Variants in PDLIM7 observed in about 807,000 individuals in gnomAD.
The protein encoded by PDLIM7 is PDZ and LIM domain protein 7.
Under a neutral mutation model 53.9 loss-of-function variants are expected in PDLIM7, and 37 were observed. The ratio of observed to expected loss-of-function variants is 0.69; its 90% CI spans 0.53 to 0.90. The LOEUF is 0.90. PDLIM7 is among the 40% of genes least tolerant of loss of function. The pLI is 0.00. For missense variants in PDLIM7, 617 were observed against 638.5 expected, an observed-to-expected ratio of 0.97 and a Z score of 0.36; for synonymous variants, 300 against 261.3, an observed-to-expected ratio of 1.15 and a Z score of -1.43.
chr5:177,488,331 C>T lies in PDLIM7; in HGVS notation c.870-83G>A, dbSNP rs950841682. ...CCCCTTCAGGTTGACTGACCACCCA[C>T]CAGGAGGCCTTGGGAGGGACAGTTC... On this transcript the variant is annotated intron_variant, in intron 9 of 12. Coordinates refer to ENST00000355841, the MANE Select transcript of PDLIM7 (RefSeq NM_005451.5). 11 of 1,192,768 alleles carry T rather than the reference C, an allele frequency of 9.2e-6. No individual in the cohort carries two copies. The South Asian group carries it at 1.2e-4, about 13-fold the overall frequency. The allele number at this position is 1,192,768 out of a possible 1,614,324, so 73.9% of individuals were successfully genotyped here.
chr5:177,484,226 C>T lies in PDLIM7; in HGVS notation c.1051-36G>A, dbSNP rs1219360062. Reference sequence around the variant, plus strand: ...GTCCCAGTCACTCGGCAGGCTCAGGCCCCTCCTGCCCTGCCCTGGGTCACG... The same window carrying T: ...GTCCCAGTCACTCGGCAGGCTCAGGTCCCTCCTGCCCTGCCCTGGGTCACG... On this transcript the variant is annotated intron_variant, in intron 10 of 12. Transcript: ENST00000355841. 3 of 1,607,074 alleles carry T rather than the reference C, an allele frequency of 1.9e-6. No individual in the cohort carries two copies. In the African/African-American group the frequency reaches 4.0e-5, roughly 21 times the overall value.
intron 2 of PDLIM7, among the ~76,000 whole-genome samples, chr5:177,494,254 C>T (rs1221795977): frequency 6.6e-6 from 1 of 152,232 alleles, no homozygotes; most frequent in Non-Finnish European, 1.5e-5. Flanking sequence ...GGAAGTGTCT[C>T]TGACCCTAAG....
chr5:177,496,488 C>T lies in PDLIM7; in HGVS notation c.25G>A (p.Glu9Lys), dbSNP rs1759078355. The change falls in exon 2 of 13, where the codon GAG (glutamate) becomes AAG (lysine). Residue 9 changes from glutamate to lysine, a missense_variant. Physicochemically the swap from Glu to Lys is moderately conservative, Grantham distance 56. Transcript: ENST00000355841. MDSFKVVL[E>K]GPAPWGFRLQ... Reference sequence around the variant, plus strand: ...CGGAAGCCCCAAGGTGCTGGCCCCTCCAGCACTACTTTGAAGGAATCCATG... The same window carrying T: ...CGGAAGCCCCAAGGTGCTGGCCCCTTCAGCACTACTTTGAAGGAATCCATG... The T allele has an allele frequency of 6.2e-7, 1 of 1,600,794 alleles. No homozygotes were observed. The highest frequency in any genetic ancestry group is 1.7e-5 in the Admixed American group (1 of 58,344).
intron 10 of PDLIM7, among the ~76,000 whole-genome samples, chr5:177,485,421 C>T (rs991523545): frequency 2.0e-5 from 3 of 152,166 alleles, no homozygotes; most frequent in Non-Finnish European, 2.9e-5. Flanking sequence ...CATGGGGCCT[C>T]GAGGCGGTAT....
chr5:177,492,960 A>C (rs1758883517), intron 2 of PDLIM7: 1 of 445,560 alleles, frequency 2.2e-6, no homozygotes, highest in African/African-American at 2.0e-5. Context: ...ATGCTTATCT[A>C]TTCACCGCCA....
In PDLIM7 at chr5:177,489,561, T is replaced by C. The variant is rs377034000; in HGVS notation, c.701A>G (p.Tyr234Cys). The change falls in exon 9 of 13, where the codon TAT becomes TGT. Residue 234 changes from tyrosine to cysteine, a missense_variant. Tyr to Cys is a radical substitution (Grantham distance 194). Coordinates refer to ENST00000355841, the MANE Select transcript of PDLIM7 (RefSeq NM_005451.5). ...WAVDPAFAER[Y>C]APDKTSTVLT... Reference sequence around the variant, plus strand: ...CACTGTGCTCGTTTTGTCCGGGGCATAGCGCTCGGCAAACGCAGGGTCCAC... The same window carrying C: ...CACTGTGCTCGTTTTGTCCGGGGCACAGCGCTCGGCAAACGCAGGGTCCAC... 1.9e-6 allele frequency: 3 copies of C among 1,610,912 alleles called. No individual in the cohort carries two copies. The highest frequency in any genetic ancestry group is 1.1e-5 in the South Asian group (1 of 90,666).
chr5:177,491,650 G>A, intron 5 of PDLIM7, 157 bp downstream of exon 5: 1 of 617,070 alleles, frequency 1.6e-6, no homozygotes, highest in East Asian at 3.0e-5. Context: ...GCCTCGGGAG[G>A]GGCCCTGTGC....
intron 10 of PDLIM7, among the ~76,000 whole-genome samples, chr5:177,487,047 G>A (rs1249369430): frequency 2.9e-5 from 4 of 139,742 alleles, no homozygotes; most frequent in Non-Finnish European, 6.1e-5. Flanking sequence ...CGATTCTCCT[G>A]CCTCAGCCTC....
intron 10 of PDLIM7, 168 bp downstream of exon 10, chr5:177,487,900 A>G: frequency 1.9e-6 from 1 of 536,022 alleles, no homozygotes; most frequent in South Asian, 3.9e-5. Flanking sequence ...TCATTTGTTA[A>G]GAGCATCCTG....
intron 10 of PDLIM7, among the ~76,000 whole-genome samples, chr5:177,486,931 C>CTTTTTTTTTTTTTTTTT (rs60583245): frequency 2.1e-5 from 1 of 48,692 alleles, no homozygotes; most frequent in African/African-American, 6.9e-5. Context: ...GTGCCTGGCC[C>CTTTTTTTTTTTTTTTTT]TTTTTTTTTT....
chr5:177,492,066 C>T (rs915846943), intron 4 of PDLIM7, 141 bp from the exon 5 acceptor site: 18 of 389,836 alleles, frequency 4.6e-5, no homozygotes, highest in Admixed American at 2.8e-4. Context: ...TTGGAGGCTA[C>T]GGGGAGAGGA....
intron 10 of PDLIM7, among the ~76,000 whole-genome samples, chr5:177,485,764 C>T (rs531090689): frequency 1.2e-4 from 19 of 152,218 alleles, no homozygotes; most frequent in East Asian, 7.8e-4. Context: ...GTGGGAGGAT[C>T]GCTCGAGGCC....
rs1758859648 is a variant in PDLIM7 at position 177,492,612 on chromosome 5, A to G, written c.162T>C (p.Asp54=). The G allele has an allele frequency of 6.2e-7, 1 of 1,612,038 alleles. No homozygotes were observed. Among genetic ancestry groups the G allele is most frequent in the South Asian group, 1.1e-5 (1 of 91,092 alleles). ...GTGTGAGGCTACCCGCATTCTCGCCATCGATGCTCAGCACCCAGTCACCCA... is the reference window on the plus strand; with the variant it reads ...GTGTGAGGCTACCCGCATTCTCGCCGTCGATGCTCAGCACCCAGTCACCCA... The part of the protein sequence containing the change: ...VAVGDWVLSI[D]GENAGSLTHI... The change falls in exon 3 of 13, where the codon GAT becomes GAC. Residue 54 remains aspartate (D), a synonymous_variant. Transcript: ENST00000355841.
At chr5:177,484,291 G>A (rs1197580240) in intron 10 of PDLIM7, 101 bp from the exon 11 acceptor site, 22 of 1,439,106 alleles carry the variant, frequency 1.5e-5, no homozygotes, top group African/African-American at 7.0e-5. Flanking sequence ...GTTCCTTCTC[G>A]CGGTAAACAC....
rs1758749952 is a variant in PDLIM7, at chr5:177,491,062, T to C, written c.483A>G (p.Thr161=). The change falls in exon 6 of 13, where the codon ACA becomes ACG. Residue 161 remains threonine, a synonymous_variant. Transcript: ENST00000355841. The part of the protein sequence containing the change: ...NTEDWRPRPG[T]GQSRSFRILA... ...GGATGCGGAAGGAACGCGACTGGCC[T>C]GTCCCCGGCCGCGGCCGCCAGTCCT... The C allele has an allele frequency of 3.7e-6, 6 of 1,611,242 alleles. No individual in the cohort carries two copies. Among genetic ancestry groups the C allele is most frequent in the Non-Finnish European group, 5.1e-6 (6 of 1,179,064 alleles).
rs1758862501 is a variant in PDLIM7, at chr5:177,492,642, C to T, written c.132G>A (p.Val44=). ...TGCTCAGCACCCAGTCACCCACGGC[C>T]ACTCCGGCCTGCGCCGCTTTGCCCC... ...TPGGKAAQAG[V]AVGDWVLSID... The change falls in exon 3 of 13, where the codon GTG becomes GTA. Residue 44 remains valine (V), a synonymous_variant. Coordinates refer to ENST00000355841, the MANE Select transcript of PDLIM7 (RefSeq NM_005451.5). The T allele has an allele frequency of 1.2e-6, 2 of 1,608,752 alleles. No individual in the cohort carries two copies. Among genetic ancestry groups the T allele is most frequent in the Non-Finnish European group, 1.7e-6 (2 of 1,179,978 alleles).
rs774231899 is a variant in PDLIM7 at position 177,491,031 on chromosome 5, G to A, written c.514C>T (p.His172Tyr). 39 of 1,613,352 alleles carry A rather than the reference G, an allele frequency of 2.4e-5. No homozygotes were observed. The East Asian group carries it at 8.5e-4, about 35-fold the overall frequency. Residue 172 changes from histidine to tyrosine, a missense_variant, in exon 6 of 13, where the codon CAC (histidine) becomes TAC (tyrosine). Physicochemically the swap from His to Tyr is moderately conservative, Grantham distance 83 (BLOSUM62 2). Transcript: ENST00000355841. ...TTACTGAACTCGGTGCCTGTGAGGT[G>A]GGCAAGGATGCGGAAGGAACGCGAC... is the stretch of plus-strand genomic sequence containing the variant. ...GQSRSFRILA[H>Y]LTGTEFMQDP...
intron 1 of PDLIM7, among the ~76,000 whole-genome samples, chr5:177,497,028 A>AGGGGGGGGGG (rs1759121376): frequency 1.2e-5 from 1 of 81,076 alleles, no homozygotes; most frequent in Non-Finnish European, 2.6e-5. Context: ...AGGGGAGGGG[A>AGGGGGGGGGG]GGGGAGGGGA....
chr5:177,489,226 C>T (rs764882603), intron 9 of PDLIM7, among the ~76,000 whole-genome samples, 167 bp downstream of exon 9: 14 of 152,144 alleles, frequency 9.2e-5, no homozygotes, highest in African/African-American at 1.7e-4. Flanking sequence ...GGGTAGGTAG[C>T]GTGGGATTAA....
Sources: allele counts gnomAD v4.1 joint callset (sites outside exome capture counted in the v4.1 genomes callset), GRCh38; gene constraint gnomAD v4.1.1; transcripts MANE v1.5; gene names NCBI Gene and HGNC (gene_info 2026-07-23, HGNC 2026-07-21).